Variants in CTNNA2 observed in about 807,000 individuals in gnomAD.
CTNNA2 encodes the protein catenin alpha 2.
In CTNNA2, 42 loss-of-function variants were observed where a neutral mutation model predicts 101.0. That is an observed-to-expected ratio of 0.42 (90% CI 0.32 to 0.54). The LOEUF is 0.54. Among genes scored for constraint, CTNNA2 ranks in the 20% least tolerant of loss-of-function variants. The pLI, the probability that CTNNA2 is intolerant of heterozygous loss-of-function variation, is 0.14. For synonymous variants in CTNNA2, 450 were observed against 456.4 expected (o/e 0.99, Z 0.18); for missense variants, 871 against 1,223.1 (o/e 0.71, Z 4.29).
At chr2:80,590,469 G>A (rs979771431) in intron 15 of CTNNA2, among the ~76,000 whole-genome samples, 2 of 148,574 alleles carry the variant, frequency 1.3e-5, no homozygotes, top group African/African-American at 5.0e-5. Context: ...ATGCAAAGAT[G>A]TTTTAATGAT....
intron 6 of CTNNA2, among the ~76,000 whole-genome samples, chr2:79,896,119 C>CA (rs533454847): frequency 2.1e-3 from 316 of 152,080 alleles, no homozygotes; most frequent in African/African-American, 7.1e-3. Context: ...GCTGTATCTA[C>CA]AAAAAATACA....
chr2:80,566,981 T>C (rs1281423398), intron 12 of CTNNA2, among the ~76,000 whole-genome samples: 2 of 152,120 alleles, frequency 1.3e-5, no homozygotes, highest in East Asian at 3.9e-4. Flanking sequence ...CTGAACAGTG[T>C]ACGAACCCTT....
rs1368252969 is a variant in CTNNA2 at position 80,185,963 on chromosome 2, T to C, written c.1057-207248T>C. 3.3e-5 allele frequency among the ~76,000 whole-genome samples: 5 copies of C among 152,194 alleles called. No individual in the cohort carries two copies. The East Asian group carries it at 9.7e-4, about 29-fold the overall frequency. The stretch of plus-strand genomic sequence containing the variant: ...ATATAAGTAAAAAAGAGTGTAAGAG[T>C]TGATGTTGAACACATTTATGAAATG... On this transcript the variant is annotated intron_variant, in intron 7 of 18. Transcript: ENST00000402739.
chr2:80,335,835 A>C (rs1285641613), intron 7 of CTNNA2, among the ~76,000 whole-genome samples: 5 of 152,204 alleles, frequency 3.3e-5, no homozygotes, highest in Non-Finnish European at 7.3e-5. Context: ...ATAGGTTATT[A>C]GACACAAAAA....
intron 18 of CTNNA2, among the ~76,000 whole-genome samples, chr2:80,635,946 T>C (rs543718580): frequency 6.7e-6 from 1 of 149,234 alleles, no homozygotes; most frequent in Non-Finnish European, 1.5e-5. Context: ...TTGACAAGTA[T>C]GGGTTGTCTT....
At chr2:79,289,941 C>T (rs535675869) in intron 2 of CTNNA2, among the ~76,000 whole-genome samples, 2 of 152,252 alleles carry the variant, frequency 1.3e-5, no homozygotes, top group South Asian at 2.1e-4. Context: ...TAATCAGCCT[C>T]TCTGTGCCTA....
chr2:80,413,585 T>C (rs1337437941), intron 8 of CTNNA2, among the ~76,000 whole-genome samples: 2 of 152,184 alleles, frequency 1.3e-5, no homozygotes, highest in Non-Finnish European at 2.9e-5. Context: ...TTTGGGTAGA[T>C]TATAGCACTG....
At chr2:80,559,207 A>G (rs942808052) in intron 12 of CTNNA2, among the ~76,000 whole-genome samples, 4 of 152,220 alleles carry the variant, frequency 2.6e-5, no homozygotes, top group African/African-American at 9.6e-5. Flanking sequence ...GACAGATTGG[A>G]GCCCATGTAC....
At chr2:80,068,438 C>A (rs927553848) in intron 7 of CTNNA2, among the ~76,000 whole-genome samples, 1 of 152,080 alleles carries the variant, frequency 6.6e-6, no homozygotes, top group Middle Eastern at 3.2e-3. Flanking sequence ...GTTGAATTTC[C>A]TTCATCTCTC....
rs1233119065 is a variant in CTNNA2 at position 80,302,506 on chromosome 2, G to A, written c.1057-90705G>A. On this transcript the variant is annotated intron_variant, in intron 7 of 18. Coordinates refer to ENST00000402739, the MANE Select transcript of CTNNA2 (RefSeq NM_001282597.3). The surrounding 1 kb of genome is among the most constrained non-coding windows in gnomAD (Gnocchi z 6.4). ...AGAGCACCAGGACCACGATGAGGAA[G>A]GAGAAGATGAGGGCCATGGTGCCCG... 6.2e-7 allele frequency: 1 copy of A among 1,613,416 alleles called. No homozygotes were observed. The highest frequency in any genetic ancestry group is 8.5e-7 in the Non-Finnish European group (1 of 1,180,030).
intron 2 of CTNNA2, among the ~76,000 whole-genome samples, chr2:79,198,864 A>G (rs1673996490): frequency 6.6e-6 from 1 of 152,240 alleles, no homozygotes; most frequent in Admixed American, 6.5e-5. Context: ...AGATATAAAA[A>G]GATTAATGTG....
chr2:80,124,750 G>A (rs957271775), intron 7 of CTNNA2, among the ~76,000 whole-genome samples: 2 of 152,110 alleles, frequency 1.3e-5, no homozygotes, highest in South Asian at 2.1e-4. Flanking sequence ...GGGGTTGAGC[G>A]AGGTTACCCC....
At chr2:79,523,511 C>T (rs1264483219) in intron 1 of CTNNA2, among the ~76,000 whole-genome samples, 4 of 151,992 alleles carry the variant, frequency 2.6e-5, no homozygotes, top group African/African-American at 9.7e-5. Flanking sequence ...TTTCCATGTA[C>T]ATTCAGTTTG....
At chr2:79,810,364 G>A (rs546238731) in intron 3 of CTNNA2, among the ~76,000 whole-genome samples, 21 of 151,934 alleles carry the variant, frequency 1.4e-4, no homozygotes, top group Non-Finnish European at 2.1e-4. Context: ...GAGACTTATT[G>A]ACTACTACTA....
rs529619384 is a variant in CTNNA2, at chr2:80,551,823, C to A, written c.1541-3870C>A. On this transcript the variant is annotated intron_variant, in intron 11 of 18. Coordinates refer to ENST00000402739, the MANE Select transcript of CTNNA2 (RefSeq NM_001282597.3). ...TTCATTGGAGTAGCACTTTTAATTT[C>A]TTTCAAGAACTTTTTCTTGTACTTA... Among the ~76,000 whole-genome samples the A allele has an allele frequency of 1.2e-4, 19 of 152,264 alleles. 1 individual carries two copies. Among genetic ancestry groups the A allele is most frequent in the African/African-American group, 4.3e-4 (18 of 41,564 alleles).
At chr2:79,912,548 G>C (rs1285360607) in intron 7 of CTNNA2, among the ~76,000 whole-genome samples, 2 of 152,216 alleles carry the variant, frequency 1.3e-5, no homozygotes, top group Non-Finnish European at 2.9e-5. Flanking sequence ...CAGAGGCATG[G>C]GGTGAAAATC....
intron 2 of CTNNA2, among the ~76,000 whole-genome samples, chr2:79,205,067 T>C (rs1180882229): frequency 6.6e-6 from 1 of 152,226 alleles, no homozygotes; most frequent in Non-Finnish European, 1.5e-5. Flanking sequence ...TTCTTCTGAA[T>C]AATAGGATGC....
intron 2 of CTNNA2, among the ~76,000 whole-genome samples, chr2:79,263,062 T>C (rs539434189): frequency 3.3e-5 from 5 of 152,244 alleles, no homozygotes; most frequent in South Asian, 2.1e-4. Flanking sequence ...GTCTATAAGA[T>C]ACAAGGAAAA....
chr2:79,475,043 G>A (rs1188183478), intron 4 of CTNNA2, among the ~76,000 whole-genome samples: 1 of 152,086 alleles, frequency 6.6e-6, no homozygotes, highest in African/African-American at 2.4e-5. Context: ...AAAAATGTAT[G>A]AATACTACAT....
Sources: allele counts gnomAD v4.1 joint callset (sites outside exome capture counted in the v4.1 genomes callset), GRCh38; gene constraint gnomAD v4.1.1; non-coding constraint Gnocchi (gnomAD v3.1); transcripts MANE v1.5; gene names NCBI Gene and HGNC (gene_info 2026-07-23, HGNC 2026-07-21).